TBC1D9: variants seen among roughly 807,000 people sequenced by gnomAD.
TBC1D9 encodes the protein TBC1 domain family member 9, also known as TBC1 domain family member 9A.
Under a neutral mutation model 132.0 loss-of-function variants are expected in TBC1D9, and 63 were observed. The observed-to-expected ratio is 0.48, with a 90% CI of 0.39 to 0.59. The LOEUF (loss-of-function observed/expected upper bound fraction) is 0.59, where lower values mean the gene tolerates loss of function less well. TBC1D9 is among the 20% of genes least tolerant of loss of function. The pLI, the probability that TBC1D9 is intolerant of heterozygous loss-of-function variation, is 0.00. For synonymous variants in TBC1D9, 610 were observed against 609.9 expected (o/e 1.00, Z 0.00); for missense variants, 1,261 against 1,592.7 (o/e 0.79, Z 3.54).
At chr4:140,652,012 AT>A (rs762160751) in intron 13 of TBC1D9, among the ~76,000 whole-genome samples, 4 of 152,152 alleles carry the variant, frequency 2.6e-5, no homozygotes, top group Admixed American at 6.5e-5. Flanking sequence ...GCTGAGGTGG[AT>A]GGATCACTTA....
chr4:140,660,371 T>C (rs543327752), intron 10 of TBC1D9, among the ~76,000 whole-genome samples: 4 of 152,384 alleles, frequency 2.6e-5, no homozygotes, highest in African/African-American at 9.6e-5. Flanking sequence ...ATATGAACTT[T>C]ATCATATTAG....
intron 9 of TBC1D9, among the ~76,000 whole-genome samples, chr4:140,664,722 G>GA (rs2111004123): frequency 6.6e-6 from 1 of 152,272 alleles, no homozygotes; most frequent in East Asian, 1.9e-4. Flanking sequence ...CTGGGGGAAA[G>GA]AATAGTATTT....
chr4:140,678,234 A>T (rs1377025737), intron 5 of TBC1D9, among the ~76,000 whole-genome samples: 1 of 152,232 alleles, frequency 6.6e-6, no homozygotes, highest in East Asian at 1.9e-4. Flanking sequence ...ATGCACATCA[A>T]TGATTTCCAA....
At chr4:140,733,859 C>T in intron 1 of TBC1D9, among the ~76,000 whole-genome samples, 1 of 152,194 alleles carries the variant, frequency 6.6e-6, no homozygotes, top group Non-Finnish European at 1.5e-5. Flanking sequence ...TGACAACTTA[C>T]CATTCCAAAT....
intron 4 of TBC1D9, among the ~76,000 whole-genome samples, 167 bp downstream of exon 4, chr4:140,679,448 C>T (rs1737672863): frequency 6.6e-6 from 1 of 151,758 alleles, no homozygotes; most frequent in African/African-American, 2.4e-5. Flanking sequence ...ACTTAGTGAC[C>T]ATTTTGAACT....
At position 140,621,817 on chromosome 4, in the gene TBC1D9, A is replaced by G. The variant is rs1433397010; in HGVS notation, c.*378T>C. 1 of 160,388 alleles carries G rather than the reference A, an allele frequency of 6.2e-6. No individual in the cohort carries two copies. Among genetic ancestry groups the G allele is most frequent in the Non-Finnish European group, 1.4e-5 (1 of 73,996 alleles). 9.9% of individuals were successfully genotyped at this position (160,388 alleles called of 1,614,324 possible). ...GCTCTAATTTTATTTAAAAAGCCTG[A>G]ATACACAAATGACTGCTGCCTTACT... On this transcript the variant is annotated 3_prime_UTR_variant, in exon 21 of 21. Coordinates refer to ENST00000442267, the MANE Select transcript of TBC1D9 (RefSeq NM_015130.3).
intron 1 of TBC1D9, among the ~76,000 whole-genome samples, chr4:140,725,097 C>T (rs1738477893): frequency 6.6e-6 from 1 of 152,130 alleles, no homozygotes; most frequent in Non-Finnish European, 1.5e-5. Flanking sequence ...AGCCAAATAA[C>T]ATATGTACAC....
In TBC1D9 at chr4:140,722,534, T is replaced by C. The variant is rs114571198; in HGVS notation, c.131-20920A>G. On this transcript the variant is annotated intron_variant, in intron 1 of 20. Transcript: ENST00000442267. ...ACTTACCATGTGTCTGGCACTGGGC[T>C]GGGTCCTGGTAATGCCATGTTGATC... is the stretch of plus-strand genomic sequence containing the variant. Among the ~76,000 whole-genome samples, 1,073 of 152,304 alleles carry C rather than the reference T, an allele frequency of 7.0e-3. 16 individuals carry two copies. The highest frequency in any genetic ancestry group is 0.024 in the African/African-American group (998 of 41,558).
chr4:140,650,962 C>G (rs1413152657), intron 13 of TBC1D9, among the ~76,000 whole-genome samples: 2 of 152,194 alleles, frequency 1.3e-5, no homozygotes, highest in Admixed American at 1.3e-4. Flanking sequence ...GGACACATAG[C>G]AAGTCCCAGA....
At chr4:140,707,746 C>CCA (rs1738170256) in intron 1 of TBC1D9, among the ~76,000 whole-genome samples, 1 of 152,052 alleles carries the variant, frequency 6.6e-6, no homozygotes, top group African/African-American at 2.4e-5. Flanking sequence ...TTTAAAGCCT[C>CCA]CAAGGCTTTG....
chr4:140,744,593 A>G (rs1177606730), intron 1 of TBC1D9, among the ~76,000 whole-genome samples: 1 of 152,162 alleles, frequency 6.6e-6, no homozygotes, highest in Non-Finnish European at 1.5e-5. Context: ...CATCTACGTA[A>G]GAGCCTTGGG....
chr4:140,651,079 T>C (rs1231521394), intron 13 of TBC1D9, among the ~76,000 whole-genome samples: 1 of 152,192 alleles, frequency 6.6e-6, no homozygotes, highest in Non-Finnish European at 1.5e-5. Context: ...TATGCACACA[T>C]AGGTAAAACA....
At chr4:140,665,590 C>T (rs920365505) in intron 9 of TBC1D9, among the ~76,000 whole-genome samples, 4 of 152,072 alleles carry the variant, frequency 2.6e-5, no homozygotes, top group African/African-American at 9.7e-5. Context: ...CCACTTCATT[C>T]ATACATTCAA....
chr4:140,736,257 G>T (rs1349420811), intron 1 of TBC1D9, among the ~76,000 whole-genome samples: 2 of 151,932 alleles, frequency 1.3e-5, no homozygotes, highest in Non-Finnish European at 2.9e-5. Flanking sequence ...AAGTCAAAGG[G>T]CATCTGGACA....
At chr4:140,663,830 T>C (rs1361561568) in intron 9 of TBC1D9, among the ~76,000 whole-genome samples, 1 of 151,964 alleles carries the variant, frequency 6.6e-6, no homozygotes, top group Admixed American at 6.6e-5. Context: ...ATGTGGAATC[T>C]AATATAGTCA....
chr4:140,622,135 G>A lies in TBC1D9; in HGVS notation c.*60C>T. The A allele has an allele frequency of 1.3e-6, 2 of 1,504,706 alleles. No homozygotes were observed. Among genetic ancestry groups the A allele is most frequent in the Non-Finnish European group, 8.9e-7 (1 of 1,126,314 alleles). The allele number at this position is 1,504,706 out of a possible 1,614,324, so 93.2% of individuals were successfully genotyped here. ...AGAAAGAAAGAAAAAACTCAACACA[G>A]AAGAACATAAAAAATCCCTCCCCTC... On this transcript the variant is annotated 3_prime_UTR_variant, in exon 21 of 21. Transcript: ENST00000442267.
In TBC1D9 at chr4:140,679,803, T is replaced by C; in HGVS notation, c.401A>G (p.Glu134Gly). Reference protein sequence around the residue: ...AEYNKINDVKEDDDTEKFKEA... With the variant: ...AEYNKINDVKGDDDTEKFKEA... ...TTTAAACTTCTCCGTGTCATCATCT[T>C]CCTTTACATCATTGATTTTGTTGTA... The change falls in exon 4 of 21, where the codon GAA (glutamate) becomes GGA (glycine). Residue 134 changes from glutamate (E) to glycine (G), a missense_variant. By Grantham distance (98) the Glu-to-Gly change is moderately conservative. Coordinates refer to ENST00000442267, the MANE Select transcript of TBC1D9 (RefSeq NM_015130.3). The C allele has an allele frequency of 6.2e-7, 1 of 1,613,700 alleles. No individual in the cohort carries two copies.
At position 140,676,978 on chromosome 4, in the gene TBC1D9, C is replaced by T; in HGVS notation, c.975G>A (p.Leu325=). ...AATTTGTGGACACAAACATCTGCCC[C>T]AAAATGTGCATTTTGTTAAATGGAG... ...LWTPFNKMHI[L]GQMFVSTNYI... Residue 325 remains leucine (L), a synonymous_variant, in exon 6 of 21, where the codon TTG becomes TTA. Coordinates refer to ENST00000442267, the MANE Select transcript of TBC1D9 (RefSeq NM_015130.3). 3 of 1,614,004 alleles carry T rather than the reference C, an allele frequency of 1.9e-6. No individual in the cohort carries two copies. Among genetic ancestry groups the T allele is most frequent in the South Asian group, 2.2e-5 (2 of 91,072 alleles).
chr4:140,649,934 A>G (rs1480590156), intron 13 of TBC1D9, among the ~76,000 whole-genome samples: 2 of 152,154 alleles, frequency 1.3e-5, no homozygotes, highest in South Asian at 2.1e-4. Flanking sequence ...CATATTTTAT[A>G]TTTGAATACA....
Sources: allele counts gnomAD v4.1 joint callset (sites outside exome capture counted in the v4.1 genomes callset), GRCh38; gene constraint gnomAD v4.1.1; transcripts MANE v1.5; gene names NCBI Gene and HGNC (gene_info 2026-07-23, HGNC 2026-07-21).